The following CPNE4 variants were observed in gnomAD, a reference collection of about 807,000 sequenced individuals.
CPNE4 encodes the protein copine 4, also known as copine-4.
In CPNE4, 25 loss-of-function variants were observed where a neutral mutation model predicts 67.9. That is an observed-to-expected ratio of 0.37 (90% CI 0.27 to 0.51). The LOEUF (loss-of-function observed/expected upper bound fraction) is 0.51. Ranked by LOEUF, CPNE4 falls within the 20% of genes least tolerant of loss-of-function variation. The pLI, the probability that CPNE4 is intolerant of heterozygous loss-of-function variation, is 0.93. For missense variants in CPNE4, 464 were observed against 690.8 expected (o/e 0.67, Z 3.68); for synonymous variants, 242 against 244.9 (o/e 0.99, Z 0.11).
At chr3:131,794,958 G>C (rs186604785) in intron 2 of CPNE4, among the ~76,000 whole-genome samples, 5 of 152,136 alleles carry the variant, frequency 3.3e-5, no homozygotes, top group Admixed American at 3.3e-4. Context: ...ACCACCAGAG[G>C]GAACATTTTT....
At chr3:131,867,047 T>C (rs1029193780) in intron 2 of CPNE4, among the ~76,000 whole-genome samples, 2 of 152,180 alleles carry the variant, frequency 1.3e-5, no homozygotes, top group African/African-American at 4.8e-5. Flanking sequence ...AGACTGCAAC[T>C]ACTAGTGAGC....
intron 1 of CPNE4, among the ~76,000 whole-genome samples, chr3:132,023,329 T>C (rs1177596622): frequency 6.6e-6 from 1 of 152,202 alleles, no homozygotes; most frequent in East Asian, 1.9e-4. Context: ...CAAACTTTTA[T>C]GAGCTGTTAT....
chr3:131,975,052 A>G (rs1307644807), intron 1 of CPNE4, among the ~76,000 whole-genome samples: 1 of 152,066 alleles, frequency 6.6e-6, no homozygotes, highest in Non-Finnish European at 1.5e-5. Flanking sequence ...AAGACAGAGA[A>G]CCATCAAATT....
intron 1 of CPNE4, among the ~76,000 whole-genome samples, chr3:132,024,955 G>A (rs1026713661): frequency 5.9e-5 from 9 of 152,102 alleles, no homozygotes; most frequent in African/African-American, 2.2e-4. Context: ...CCAAAGTGTG[G>A]TGTCCAAACT....
At chr3:131,727,004 C>T (rs889796991) in intron 2 of CPNE4, among the ~76,000 whole-genome samples, 2 of 152,170 alleles carry the variant, frequency 1.3e-5, no homozygotes, top group Admixed American at 1.3e-4. Flanking sequence ...CTGATAAATT[C>T]ACATTGCTTT....
At chr3:131,752,125 A>G (rs1187362276) in intron 2 of CPNE4, among the ~76,000 whole-genome samples, 1 of 152,150 alleles carries the variant, frequency 6.6e-6, no homozygotes, top group Non-Finnish European at 1.5e-5. Context: ...TTTAATCCCA[A>G]TGCAAGTTGG....
intron 1 of CPNE4, among the ~76,000 whole-genome samples, chr3:132,016,922 C>T (rs890674070): frequency 6.6e-6 from 1 of 152,168 alleles, no homozygotes; most frequent in African/African-American, 2.4e-5. Context: ...TAATTTTAAC[C>T]TTCCTCAGAG....
Position 132,006,654 on chromosome 3 carries a change from C to CTTT in CPNE4, c.-2+27912_-2+27913insAAA, listed in dbSNP as rs1583589413. 9.0e-4 allele frequency among the ~76,000 whole-genome samples: 31 copies of CTTT among 34,600 alleles called. 1 individual carries two copies. The East Asian group carries it at 0.013, about 15-fold the overall frequency. The allele number at this position is 34,600 out of a possible 152,430, so 22.7% of individuals were successfully genotyped here. ...TTAACCTGACATAAACCTTTCTTTC[C>CTTT]ATTTTTTTTTGTTGTTGTTCTCTGG... On this transcript the variant is annotated intron_variant, in intron 1 of 15. Coordinates refer to ENST00000429747, the MANE Select transcript of CPNE4 (RefSeq NM_130808.3).
At chr3:131,749,633 T>C (rs1316892234) in intron 2 of CPNE4, among the ~76,000 whole-genome samples, 1 of 152,160 alleles carries the variant, frequency 6.6e-6, no homozygotes, top group Admixed American at 6.6e-5. Flanking sequence ...TTGAAACTGT[T>C]GTTTCATGTA....
At chr3:131,642,784 C>T (rs1172067093) in intron 7 of CPNE4, among the ~76,000 whole-genome samples, 1 of 152,138 alleles carries the variant, frequency 6.6e-6, no homozygotes, top group Non-Finnish European at 1.5e-5. Flanking sequence ...CCCTTTCTGT[C>T]ATAATTGTAA....
At chr3:131,879,026 G>A (rs892614660) in intron 2 of CPNE4, among the ~76,000 whole-genome samples, 37 of 152,212 alleles carry the variant, frequency 2.4e-4, no homozygotes, top group Admixed American at 1.3e-4. Context: ...AACTGACGCT[G>A]TCTCCTATTG....
intron 7 of CPNE4, among the ~76,000 whole-genome samples, chr3:131,621,290 G>A (rs1940450433): frequency 1.3e-5 from 2 of 152,102 alleles, no homozygotes; most frequent in African/African-American, 4.8e-5. Flanking sequence ...TGTCATCCAG[G>A]CTGGAGTGCA....
chr3:131,551,246 C>G (rs958499112), intron 13 of CPNE4, among the ~76,000 whole-genome samples: 1 of 152,094 alleles, frequency 6.6e-6, no homozygotes. Flanking sequence ...ATCCTGCACC[C>G]ACTTGGCCCT....
intron 7 of CPNE4, among the ~76,000 whole-genome samples, chr3:131,647,635 C>G (rs778412088): frequency 6.6e-6 from 1 of 152,084 alleles, no homozygotes; most frequent in African/African-American, 2.4e-5. Context: ...GTTAGTTGGC[C>G]TAGGTTTGAA....
chr3:131,953,249 A>ATAAAAT (rs1460832778), intron 1 of CPNE4, among the ~76,000 whole-genome samples: 1 of 141,058 alleles, frequency 7.1e-6, no homozygotes, highest in African/African-American at 2.5e-5. Context: ...TAAAAAAAAA[A>ATAAAAT]AAAAAAAAAA....
intron 7 of CPNE4, among the ~76,000 whole-genome samples, chr3:131,599,384 C>T (rs1338522064): frequency 6.6e-6 from 1 of 152,146 alleles, no homozygotes; most frequent in African/African-American, 2.4e-5. Context: ...GTAGACTTGA[C>T]AACAACCCTC....
At chr3:131,824,800 C>G (rs1156794886) in intron 2 of CPNE4, among the ~76,000 whole-genome samples, 2 of 152,046 alleles carry the variant, frequency 1.3e-5, no homozygotes, top group African/African-American at 2.4e-5. Context: ...TACCTTGGAT[C>G]AGGGGAGTAC....
chr3:131,823,375 G>A lies in CPNE4; in HGVS notation c.180+81889C>T, dbSNP rs145754362. Among the ~76,000 whole-genome samples the A allele has an allele frequency of 4.1e-4, 62 of 152,226 alleles. 1 individual carries two copies. Among genetic ancestry groups the A allele is most frequent in the African/African-American group, 1.5e-3 (62 of 41,520 alleles). Reference sequence around the variant, plus strand: ...CCCTGTATTTGACACTGACTGCAACGCTCTTGAGCCTTCCATGATAGAAAT... The same window carrying A: ...CCCTGTATTTGACACTGACTGCAACACTCTTGAGCCTTCCATGATAGAAAT... On this transcript the variant is annotated intron_variant, in intron 2 of 15. Transcript: ENST00000429747.
At chr3:132,010,788 A>G (rs1268151083) in intron 1 of CPNE4, among the ~76,000 whole-genome samples, 1 of 152,160 alleles carries the variant, frequency 6.6e-6, no homozygotes, top group Non-Finnish European at 1.5e-5. Context: ...CTCCCACTTT[A>G]TAGCCAATAT....
Sources: allele counts gnomAD v4.1 joint callset (sites outside exome capture counted in the v4.1 genomes callset), GRCh38; gene constraint gnomAD v4.1.1; transcripts MANE v1.5; gene names NCBI Gene and HGNC (gene_info 2026-07-23, HGNC 2026-07-21).